GRM5: variants seen among roughly 807,000 people sequenced by gnomAD.
GRM5 encodes glutamate metabotropic receptor 5, also known as metabotropic glutamate receptor 5.
GRM5 carries 19 observed loss-of-function variants against 83.1 expected under a neutral mutation model. That is an observed-to-expected ratio of 0.23 (90% CI 0.16 to 0.34). The LOEUF is 0.34. Ranked by LOEUF, GRM5 falls within the 10% of genes least tolerant of loss-of-function variation. The probability of loss-of-function intolerance (pLI) is 1.00; values close to 1 mark genes in which losing one functional copy is unlikely to be tolerated. For missense variants in GRM5, 1,160 were observed against 1,588.3 expected (o/e 0.73, Z 4.58); for synonymous variants, 675 against 633.6 (o/e 1.07, Z -0.98).
At chr11:88,844,603 T>C (rs1944266525) in intron 3 of GRM5, among the ~76,000 whole-genome samples, 2 of 152,216 alleles carry the variant, frequency 1.3e-5, no homozygotes, top group African/African-American at 4.8e-5. Flanking sequence ...GCCATAACTG[T>C]CATAGATGGT....
chr11:88,553,209 G>A (rs994948033), intron 8 of GRM5, among the ~76,000 whole-genome samples: 3 of 152,170 alleles, frequency 2.0e-5, no homozygotes, highest in Admixed American at 2.0e-4. Flanking sequence ...AAAGGGAAAA[G>A]TGCTTGCTAG....
intron 2 of GRM5, among the ~76,000 whole-genome samples, chr11:88,933,841 A>G (rs567260292): frequency 1.2e-4 from 18 of 151,960 alleles, no homozygotes; most frequent in Admixed American, 9.9e-4. Flanking sequence ...TGCAGATAAT[A>G]AAATTACTCC....
At chr11:88,556,289 A>G (rs1457342315) in intron 8 of GRM5, among the ~76,000 whole-genome samples, 1 of 151,248 alleles carries the variant, frequency 6.6e-6, no homozygotes, top group Non-Finnish European at 1.5e-5. Flanking sequence ...CTCACATTTC[A>G]TGGATATGAA....
At chr11:88,871,022 C>T (rs769642186) in intron 2 of GRM5, among the ~76,000 whole-genome samples, 1 of 151,422 alleles carries the variant, frequency 6.6e-6, no homozygotes, top group Non-Finnish European at 1.5e-5. Flanking sequence ...TGTATGAAAA[C>T]ACCACTATGT....
intron 7 of GRM5, among the ~76,000 whole-genome samples, chr11:88,586,275 C>T (rs1272182610): frequency 3.3e-5 from 5 of 152,080 alleles, no homozygotes; most frequent in East Asian, 1.9e-4. Context: ...TATAGGTAGA[C>T]ATTAATGTCA....
intron 8 of GRM5, among the ~76,000 whole-genome samples, chr11:88,532,490 T>C (rs140981526): frequency 3.3e-4 from 50 of 152,310 alleles, no homozygotes; most frequent in African/African-American, 1.2e-3. Flanking sequence ...GCAGTAAAGA[T>C]GGCAGAGTTT....
At chr11:89,063,807 G>A (rs897449154) in intron 1 of GRM5, among the ~76,000 whole-genome samples, 1 of 152,182 alleles carries the variant, frequency 6.6e-6, no homozygotes, top group Non-Finnish European at 1.5e-5. Flanking sequence ...AGTTCCTTTA[G>A]GAACATAGAC....
chr11:89,028,906 T>C (rs999215794), intron 2 of GRM5, among the ~76,000 whole-genome samples: 3 of 152,136 alleles, frequency 2.0e-5, no homozygotes, highest in Non-Finnish European at 4.4e-5. Context: ...TCATCTACAT[T>C]AGGTATTTTT....
At chr11:88,729,838 T>G (rs1315108766) in intron 3 of GRM5, among the ~76,000 whole-genome samples, 2 of 152,298 alleles carry the variant, frequency 1.3e-5, no homozygotes, top group South Asian at 2.1e-4. Flanking sequence ...TGTAGAAAAC[T>G]AAAACTGGAC....
At chr11:88,677,716 T>C (rs544517311) in intron 3 of GRM5, among the ~76,000 whole-genome samples, 3 of 152,272 alleles carry the variant, frequency 2.0e-5, no homozygotes, top group African/African-American at 7.2e-5. Flanking sequence ...AAATATTAAA[T>C]GTTATAAGGA....
chr11:88,844,357 TAC>T (rs3031469), intron 3 of GRM5, among the ~76,000 whole-genome samples: 1,709 of 145,958 alleles, frequency 0.012, 26 homozygotes, highest in East Asian at 0.084. Flanking sequence ...TCAGAATTAC[TAC>T]ACACACACAC....
chr11:88,813,744 A>T (rs1943624078), intron 3 of GRM5, among the ~76,000 whole-genome samples: 2 of 152,188 alleles, frequency 1.3e-5, no homozygotes, highest in South Asian at 4.1e-4. Context: ...GTATGCATAT[A>T]TTTTTACATA....
intron 4 of GRM5, among the ~76,000 whole-genome samples, chr11:88,609,991 T>A (rs141203094): frequency 0.011 from 1,658 of 152,296 alleles, 31 homozygotes; most frequent in African/African-American, 0.037. Flanking sequence ...GGATAGGAAG[T>A]CCTTTCCCCA....
chr11:88,947,311 TTTGCTGAGTTAACTCTGG>T (rs1202807594), intron 2 of GRM5, among the ~76,000 whole-genome samples: 1 of 152,118 alleles, frequency 6.6e-6, no homozygotes, highest in Non-Finnish European at 1.5e-5. Flanking sequence ...TGTTGAAATA[TTTGCTGAGTTAACTCTGG>T]TTACTTTAAA....
At chr11:89,024,032 G>A (rs1255065179) in intron 2 of GRM5, among the ~76,000 whole-genome samples, 8 of 151,956 alleles carry the variant, frequency 5.3e-5, no homozygotes, top group South Asian at 4.2e-4. Flanking sequence ...CGTGGCCAAC[G>A]TGGTAAAACC....
At chr11:88,561,831 G>A (rs1250577152) in intron 8 of GRM5, among the ~76,000 whole-genome samples, 1 of 151,956 alleles carries the variant, frequency 6.6e-6, no homozygotes, top group Non-Finnish European at 1.5e-5. Context: ...GGCTGATTCC[G>A]GGCCCTTTTC....
chr11:88,527,240 A>G (rs551265833), intron 8 of GRM5, among the ~76,000 whole-genome samples: 1 of 152,352 alleles, frequency 6.6e-6, no homozygotes, highest in Non-Finnish European at 1.5e-5. Context: ...TTCCTTACAA[A>G]GGGATCCTTA....
chr11:88,545,215 C>T (rs1942360571), intron 8 of GRM5, among the ~76,000 whole-genome samples: 1 of 152,112 alleles, frequency 6.6e-6, no homozygotes, highest in Non-Finnish European at 1.5e-5. Flanking sequence ...TTTATCTAGT[C>T]TCTGGGCTCT....
chr11:88,950,654 T>C (rs1285883301), intron 2 of GRM5, among the ~76,000 whole-genome samples: 5 of 152,110 alleles, frequency 3.3e-5, no homozygotes, highest in African/African-American at 1.2e-4. Context: ...TTAGAAAAAA[T>C]ACTTCAAAAA....
Sources: gnomAD v4.1 joint callset for allele counts (sites outside exome capture counted in the v4.1 genomes callset) on GRCh38, gnomAD v4.1.1 for gene constraint, MANE v1.5 for transcripts, NCBI Gene and HGNC (gene_info 2026-07-23, HGNC 2026-07-21) for gene names.